The following DTHD1 variants were observed in gnomAD, a reference collection of about 807,000 sequenced individuals.
DTHD1 encodes death domain containing 1, also known as death domain-containing protein 1.
Under a neutral mutation model 74.8 loss-of-function variants are expected in DTHD1, and 59 were observed. The ratio of observed to expected loss-of-function variants is 0.79; its 90% CI spans 0.64 to 0.98. The LOEUF is 0.98. Ranked by LOEUF, DTHD1 falls within the 50% of genes least tolerant of loss-of-function variation. The probability of loss-of-function intolerance (pLI) is 0.00; values close to 1 mark genes in which losing one functional copy is unlikely to be tolerated. For synonymous variants in DTHD1, 365 were observed against 371.1 expected (o/e 0.98, Z 0.19); for missense variants, 1,051 against 1,065.4 (o/e 0.99, Z 0.19).
intron 3 of DTHD1, among the ~76,000 whole-genome samples, chr4:36,292,898 A>T (rs1260291827): frequency 1.3e-5 from 2 of 152,216 alleles, no homozygotes; most frequent in Non-Finnish European, 1.5e-5. Context: ...TTGTGCAATA[A>T]AAAACCTTGA....
intron 8 of DTHD1, among the ~76,000 whole-genome samples, chr4:36,325,301 G>T (rs944704582): frequency 6.6e-6 from 1 of 152,140 alleles, no homozygotes; most frequent in Non-Finnish European, 1.5e-5. Context: ...TCTTGAAACT[G>T]GTATGGCCAT....
At chr4:36,330,194 G>C (rs868577185) in intron 8 of DTHD1, among the ~76,000 whole-genome samples, 1 of 152,154 alleles carries the variant, frequency 6.6e-6, no homozygotes, top group African/African-American at 2.4e-5. Flanking sequence ...AATATGTTAG[G>C]AGTTGAGCTC....
intron 7 of DTHD1, among the ~76,000 whole-genome samples, chr4:36,313,461 T>C (rs1424110933): frequency 2.6e-5 from 4 of 151,104 alleles, no homozygotes; most frequent in African/African-American, 9.7e-5. Context: ...TCATGCCACT[T>C]CTCTTTTTTT....
chr4:36,343,478 G>C (rs1245286918), intron 9 of DTHD1, 24 bp from the exon 10 acceptor site: 19 of 1,543,556 alleles, frequency 1.2e-5, no homozygotes, highest in Non-Finnish European at 1.6e-5. Flanking sequence ...TCCTAACCGT[G>C]AGTGTTCCTC....
At chr4:36,296,351 T>G (rs1420518491) in intron 5 of DTHD1, among the ~76,000 whole-genome samples, 1 of 152,134 alleles carries the variant, frequency 6.6e-6, no homozygotes, top group East Asian at 1.9e-4. Context: ...ATTAATAGGC[T>G]GACTTAATAA....
intron 7 of DTHD1, among the ~76,000 whole-genome samples, chr4:36,314,044 C>A (rs1391832337): frequency 6.7e-6 from 1 of 149,512 alleles, no homozygotes; most frequent in Non-Finnish European, 1.5e-5. Flanking sequence ...CAAACCCTGG[C>A]TACTCATTTG....
intron 8 of DTHD1, among the ~76,000 whole-genome samples, chr4:36,321,384 A>G (rs191520372): frequency 6.6e-6 from 1 of 152,152 alleles, no homozygotes. Context: ...TTCCTATCAG[A>G]TCAGTGGCGG....
chr4:36,299,074 A>G (rs1756608501), intron 5 of DTHD1, among the ~76,000 whole-genome samples: 2 of 152,082 alleles, frequency 1.3e-5, no homozygotes, highest in South Asian at 4.1e-4. Context: ...CTTTGTCCTC[A>G]CCACAGTCAC....
At chr4:36,342,918 CAAAAAAA>C (rs55956868) in intron 9 of DTHD1, among the ~76,000 whole-genome samples, 15 of 96,984 alleles carry the variant, frequency 1.5e-4, no homozygotes, top group South Asian at 3.1e-4. Context: ...ACTAAAAATA[CAAAAAAA>C]AAAAAAAAAA....
intron 7 of DTHD1, among the ~76,000 whole-genome samples, chr4:36,310,671 T>C (rs559644445): frequency 3.3e-5 from 5 of 152,320 alleles, no homozygotes; most frequent in African/African-American, 1.2e-4. Context: ...GTTCTTTTTT[T>C]GCTTCAAAAA....
At chr4:36,318,960 C>G (rs1757909163) in intron 8 of DTHD1, among the ~76,000 whole-genome samples, 1 of 152,160 alleles carries the variant, frequency 6.6e-6, no homozygotes, top group African/African-American at 2.4e-5. Context: ...CACCATACGG[C>G]CGTTACTTAC....
intron 9 of DTHD1, among the ~76,000 whole-genome samples, chr4:36,341,735 A>G (rs970093479): frequency 6.6e-6 from 1 of 152,204 alleles, no homozygotes; most frequent in Non-Finnish European, 1.5e-5. Flanking sequence ...GCTAAAAAAG[A>G]CAACATATTC....
chr4:36,335,076 A>G (rs1399091917), intron 8 of DTHD1, among the ~76,000 whole-genome samples: 2 of 152,248 alleles, frequency 1.3e-5, no homozygotes, highest in African/African-American at 4.8e-5. Context: ...TGTTAGATAA[A>G]TTGTGTGATA....
intron 3 of DTHD1, among the ~76,000 whole-genome samples, chr4:36,291,646 T>C (rs1560788021): frequency 6.6e-6 from 1 of 152,162 alleles, no homozygotes; most frequent in Non-Finnish European, 1.5e-5. Context: ...CTGACTAACA[T>C]GGAGAAACCC....
At chr4:36,309,847 TCAA>T (rs1361609303) in intron 7 of DTHD1, among the ~76,000 whole-genome samples, 2 of 152,234 alleles carry the variant, frequency 1.3e-5, no homozygotes, top group African/African-American at 4.8e-5. Context: ...GAGAATGATT[TCAA>T]CAACGAGTTT....
In DTHD1 at chr4:36,344,583, A is replaced by C. The variant is rs1233516111; in HGVS notation, c.*759A>C. 1.3e-5 allele frequency: 2 copies of C among 152,272 alleles called. No individual in the cohort carries two copies. The highest frequency in any genetic ancestry group is 2.9e-5 in the Non-Finnish European group (2 of 68,060). 9.4% of individuals were successfully genotyped at this position (152,272 alleles called of 1,614,324 possible). ...TATAATGCAGATGAAGCCTCCAGGT[A>C]GCAGACTTTAGAGGGAATAGATTGT... On this transcript the variant is annotated 3_prime_UTR_variant, in exon 10 of 10. Transcript: ENST00000639862.
chr4:36,298,489 A>G (rs1756576508), intron 5 of DTHD1, among the ~76,000 whole-genome samples: 1 of 152,182 alleles, frequency 6.6e-6, no homozygotes, highest in South Asian at 2.1e-4. Context: ...TGGAGCATAA[A>G]ACAAGCAAAT....
intron 8 of DTHD1, among the ~76,000 whole-genome samples, chr4:36,320,184 A>T (rs1045482602): frequency 2.0e-5 from 3 of 152,116 alleles, no homozygotes; most frequent in Admixed American, 2.0e-4. Context: ...ATGTCTATGT[A>T]CCATATATTT....
chr4:36,340,661 A>G (rs1209876525), intron 9 of DTHD1, among the ~76,000 whole-genome samples: 3 of 152,212 alleles, frequency 2.0e-5, no homozygotes, highest in Non-Finnish European at 2.9e-5. Flanking sequence ...TGTAGAATAC[A>G]CTGATAGAGA....
Sources: allele counts gnomAD v4.1 joint callset (sites outside exome capture counted in the v4.1 genomes callset), GRCh38; gene constraint gnomAD v4.1.1; transcripts MANE v1.5; gene names NCBI Gene and HGNC (gene_info 2026-07-23, HGNC 2026-07-21).